PAN3: variants seen among roughly 807,000 people sequenced by gnomAD.
PAN3 encodes PAN2-PAN3 deadenylation complex subunit PAN3.
A neutral mutation model predicts 96.2 loss-of-function variants in PAN3; 19 were observed. The observed-to-expected ratio is 0.20, with a 90% CI of 0.14 to 0.29. The LOEUF (loss-of-function observed/expected upper bound fraction) is 0.29. PAN3 is among the 10% of genes least tolerant of loss of function. The pLI, the probability that PAN3 is intolerant of heterozygous loss-of-function variation, is 1.00. For synonymous variants in PAN3, 433 were observed against 406.6 expected, an observed-to-expected ratio of 1.06 and a Z score of -0.78; for missense variants, 882 against 1,108.1, an observed-to-expected ratio of 0.80 and a Z score of 2.90.
intron 1 of PAN3, among the ~76,000 whole-genome samples, chr13:28,157,896 A>C (rs1872413275): frequency 1.3e-5 from 2 of 152,246 alleles, no homozygotes; most frequent in African/African-American, 4.8e-5. Context: ...TGAATAGCCA[A>C]AGCAATCCTA....
At position 28,267,392 on chromosome 13, in the gene PAN3, A is replaced by G. The variant is rs2138652035; in HGVS notation, c.1783A>G (p.Arg595Gly). Residue 595 changes from arginine to glycine, a missense_variant, in exon 12 of 19, where the codon AGA (arginine) becomes GGA (glycine). Around this residue, in one of 3 missense-constraint regions of PAN3, gnomAD observed 364 missense variants for 513.6 expected, o/e 0.71. Transcript: ENST00000380958. ...TAATGCTGATGCCTACTTCACCAAG[A>G]GAAAGTGGGGTAAGAAAAAGATGCA... ...DPNADAYFTK[R>G]KWGQHEGPLP... The G allele has an allele frequency of 1.9e-6, 3 of 1,612,754 alleles. No individual in the cohort carries two copies. Among genetic ancestry groups the G allele is most frequent in the African/African-American group, 1.3e-5 (1 of 75,008 alleles).
Position 28,224,720 on chromosome 13 carries a change from G to A in PAN3, c.1000+4342G>A, listed in dbSNP as rs145912546. On this transcript the variant is annotated intron_variant, in intron 6 of 18. Transcript: ENST00000380958. ...TGCAGCCTCCAGTTCCAGCTCCGGC[G>A]CAAGCAATTCTCCCACCTCAAACTC... 5.7e-3 allele frequency among the ~76,000 whole-genome samples: 860 copies of A among 152,188 alleles called. 19 individuals carry two copies. The highest frequency in any genetic ancestry group is 4.3e-3 in the Non-Finnish European group (291 of 68,000).
intron 1 of PAN3, among the ~76,000 whole-genome samples, chr13:28,157,278 T>C (rs1041289353): frequency 4.6e-5 from 7 of 152,072 alleles, no homozygotes; most frequent in African/African-American, 4.8e-5. Context: ...CATAACTGAA[T>C]GGGCAAAAGC....
chr13:28,268,286 T>G (rs1266742348), intron 12 of PAN3, among the ~76,000 whole-genome samples: 1 of 152,140 alleles, frequency 6.6e-6, no homozygotes, highest in Non-Finnish European at 1.5e-5. Context: ...CCCCATAGTT[T>G]TTATATTCTC....
chr13:28,237,178 G>A lies in PAN3; in HGVS notation c.1000+16800G>A, dbSNP rs1883190830. Among the ~76,000 whole-genome samples, 3 of 120,506 alleles carry A rather than the reference G, an allele frequency of 2.5e-5. No individual in the cohort carries two copies. In the South Asian group the frequency reaches 9.5e-4, roughly 38 times the overall value. 79.1% of individuals were successfully genotyped at this position (120,506 alleles called of 152,430 possible). ...GAACATGGAAAAATTAATGGAAAATGGCCTAGAGGTAGACAGATTTTTTTT... is the reference window on the plus strand; with the variant it reads ...GAACATGGAAAAATTAATGGAAAATAGCCTAGAGGTAGACAGATTTTTTTT... On this transcript the variant is annotated intron_variant, in intron 6 of 18. Transcript: ENST00000380958.
At chr13:28,208,171 T>C (rs2138304052) in intron 5 of PAN3, among the ~76,000 whole-genome samples, 1 of 152,314 alleles carries the variant, frequency 6.6e-6, no homozygotes, top group East Asian at 1.9e-4. Context: ...GGATTCTTTG[T>C]TAGAAAGAAT....
intron 1 of PAN3, among the ~76,000 whole-genome samples, chr13:28,155,801 G>A (rs942137442): frequency 2.6e-5 from 4 of 151,824 alleles, no homozygotes; most frequent in Non-Finnish European, 5.9e-5. Flanking sequence ...AATATTTTTC[G>A]AAAGATGTAT....
chr13:28,269,532 G>T (rs1359326363), intron 12 of PAN3, among the ~76,000 whole-genome samples: 3 of 151,928 alleles, frequency 2.0e-5, no homozygotes, highest in African/African-American at 7.3e-5. Context: ...ATACCATGTG[G>T]AGTTGATACG....
chr13:28,171,286 T>C (rs1410662734), intron 1 of PAN3, among the ~76,000 whole-genome samples: 1 of 151,126 alleles, frequency 6.6e-6, no homozygotes, highest in African/African-American at 2.5e-5. Context: ...TCTACTACAC[T>C]CTCACACAAC....
In PAN3 at chr13:28,220,370, T is replaced by C; in HGVS notation, c.992T>C (p.Leu331Ser). 2 of 1,613,554 alleles carry C rather than the reference T, an allele frequency of 1.2e-6. No individual in the cohort carries two copies. Among genetic ancestry groups the C allele is most frequent in the Non-Finnish European group, 1.7e-6 (2 of 1,179,648 alleles). ...PSMGSPATAG[L>S]APGMSLSAGS... The stretch of plus-strand genomic sequence containing the variant: ...ATGGGAAGCCCTGCTACTGCTGGAT[T>C]AGCGCCAGGTAAGTTGAGTAACTAT... The change falls in exon 6 of 19, where the codon TTA becomes TCA. Residue 331 changes from leucine (L) to serine (S), a missense_variant. Physicochemically the swap from Leu to Ser is moderately radical, Grantham distance 145. Around this residue, in one of 3 missense-constraint regions of PAN3, gnomAD observed 364 missense variants for 513.6 expected, o/e 0.71. Coordinates refer to ENST00000380958, the MANE Select transcript of PAN3 (RefSeq NM_175854.8).
intron 1 of PAN3, among the ~76,000 whole-genome samples, chr13:28,163,607 T>G (rs1873153529): frequency 6.6e-6 from 1 of 152,184 alleles, no homozygotes. Flanking sequence ...GGACCCAAAC[T>G]CAATGTGTAA....
intron 11 of PAN3, 28 bp downstream of exon 11, chr13:28,267,239 CT>C: frequency 2.5e-6 from 4 of 1,610,876 alleles, no homozygotes; most frequent in Non-Finnish European, 3.4e-6. Context: ...TGTCTTTCTG[CT>C]GGTGAGCTTC....
At chr13:28,155,235 GTAATT>G (rs905385113) in intron 1 of PAN3, among the ~76,000 whole-genome samples, 1 of 152,124 alleles carries the variant, frequency 6.6e-6, no homozygotes, top group African/African-American at 2.4e-5. Context: ...ACTAGAGAAT[GTAATT>G]TAATTATTAA....
At chr13:28,289,488 G>T (rs1412933111) in intron 18 of PAN3, among the ~76,000 whole-genome samples, 1 of 152,106 alleles carries the variant, frequency 6.6e-6, no homozygotes, top group Non-Finnish European at 1.5e-5. Context: ...ATGTTGCTCA[G>T]GCTGGTCCCA....
At chr13:28,169,066 G>A (rs190430350) in intron 1 of PAN3, among the ~76,000 whole-genome samples, 450 of 152,070 alleles carry the variant, frequency 3.0e-3, no homozygotes, top group Non-Finnish European at 4.0e-3. Context: ...AACAGTGTAG[G>A]ATTTACTTAA....
chr13:28,269,935 A>G (rs891908459), intron 12 of PAN3, among the ~76,000 whole-genome samples: 6 of 152,184 alleles, frequency 3.9e-5, no homozygotes, highest in African/African-American at 1.4e-4. Flanking sequence ...CAACAATATG[A>G]ATATAAGATC....
chr13:28,140,857 A>G (rs1295440649), intron 1 of PAN3, among the ~76,000 whole-genome samples: 1 of 152,196 alleles, frequency 6.6e-6, no homozygotes, highest in Non-Finnish European at 1.5e-5. Context: ...ATGGTTACTT[A>G]TGGGTGGAAT....
intron 18 of PAN3, among the ~76,000 whole-genome samples, chr13:28,289,105 C>T (rs45509893): frequency 3.7e-4 from 57 of 152,296 alleles, no homozygotes; most frequent in African/African-American, 1.4e-3. Flanking sequence ...GGATTACAGG[C>T]ATGAGCCACC....
chr13:28,139,681 C>A (rs1020785336), intron 1 of PAN3, among the ~76,000 whole-genome samples: 1 of 151,906 alleles, frequency 6.6e-6, no homozygotes, highest in Non-Finnish European at 1.5e-5. Context: ...TAGGAGGGAG[C>A]GGACTGTCGC....
Sources: gnomAD v4.1 joint callset for allele counts (sites outside exome capture counted in the v4.1 genomes callset) on GRCh38, gnomAD v4.1.1 for gene constraint, gnomAD v4.1.1 regional missense constraint, MANE v1.5 for transcripts, NCBI Gene and HGNC (gene_info 2026-07-23, HGNC 2026-07-21) for gene names.